The following OPHN1 variants were observed in gnomAD, a reference collection of about 807,000 sequenced individuals.
The protein encoded by OPHN1 is oligophrenin-1.
A neutral mutation model predicts 60.7 loss-of-function variants in OPHN1; 11 were observed. That is an observed-to-expected ratio of 0.18 (90% confidence interval 0.11 to 0.30). The LOEUF is 0.30. OPHN1 is among the 10% of genes least tolerant of loss of function. The pLI, the probability that OPHN1 is intolerant of heterozygous loss-of-function variation, is 1.00. For missense variants in OPHN1, 449 were observed against 611.0 expected (o/e 0.73, Z 2.80); for synonymous variants, 226 against 222.6 (o/e 1.02, Z -0.14).
At chrX:68,056,196 A>C (rs2076872495) in intron 21 of OPHN1, among the ~76,000 whole-genome samples, 1 of 111,390 alleles carries the variant, frequency 9.0e-6, no homozygotes, top group Non-Finnish European at 1.9e-5. Flanking sequence ...AGCAGAGGTA[A>C]GTAAGCGTCA....
chrX:68,269,373 T>C (rs767278637), intron 5 of OPHN1, among the ~76,000 whole-genome samples: 8 of 111,240 alleles, frequency 7.2e-5, no homozygotes, highest in Non-Finnish European at 1.5e-4. Context: ...CAGCATGGTA[T>C]TGGTACCAAA....
intron 2 of OPHN1, among the ~76,000 whole-genome samples, chrX:68,423,143 A>G (rs965970449): frequency 4.5e-5 from 5 of 110,139 alleles, no homozygotes; most frequent in Non-Finnish European, 5.7e-5. Context: ...CTCCTGCCTC[A>G]GCCTCCTGAG....
chrX:68,089,519 C>T lies in OPHN1; in HGVS notation c.1686+7351G>A, dbSNP rs185287402. On this transcript the variant is annotated intron_variant, in intron 19 of 24. Coordinates refer to ENST00000355520, the MANE Select transcript of OPHN1 (RefSeq NM_002547.3). ...GAGAAATCGAGGAGATGCTTTGTGT[C>T]AAATGTATAGCACCATGTCTGACAC... Among the ~76,000 whole-genome samples the T allele has an allele frequency of 2.7e-4, 30 of 111,514 alleles. No individual in the cohort carries two copies. The East Asian group carries it at 6.8e-3, about 25-fold the overall frequency.
intron 2 of OPHN1, among the ~76,000 whole-genome samples, chrX:68,418,312 T>C (rs771811172): frequency 3.6e-5 from 4 of 111,242 alleles, no homozygotes; most frequent in African/African-American, 1.3e-4. Context: ...GAGGGCTTCC[T>C]CAGGTCCTAG....
chrX:68,244,446 G>C (rs181279654), intron 5 of OPHN1, among the ~76,000 whole-genome samples: 43 of 112,249 alleles, frequency 3.8e-4, no homozygotes, highest in Non-Finnish European at 4.9e-4. Flanking sequence ...TAAAATGTAA[G>C]GTCTACATAA....
chrX:68,097,158 A>T, intron 18 of OPHN1, 129 bp from the exon 19 acceptor site: 1 of 540,546 alleles, frequency 1.8e-6, no homozygotes, highest in South Asian at 3.5e-5. Context: ...TAAAGTATGT[A>T]TTGGAAGGCA....
chrX:68,097,321 G>A (rs2077041760), intron 18 of OPHN1, among the ~76,000 whole-genome samples: 1 of 111,194 alleles, frequency 9.0e-6, no homozygotes, highest in South Asian at 3.8e-4. Flanking sequence ...GATACTATTT[G>A]GAGAGGCAGG....
intron 15 of OPHN1, among the ~76,000 whole-genome samples, chrX:68,131,484 G>A (rs997872345): frequency 1.8e-5 from 2 of 111,219 alleles, no homozygotes; most frequent in East Asian, 2.8e-4. Context: ...CCAAAGTGCC[G>A]GGATTACAGG....
chrX:68,090,292 A>G (rs1394172626), intron 19 of OPHN1, among the ~76,000 whole-genome samples: 1 of 107,564 alleles, frequency 9.3e-6, no homozygotes, highest in Non-Finnish European at 1.9e-5. Flanking sequence ...GTAGATATAG[A>G]GATACATTCT....
chrX:68,138,711 G>T (rs2077230895), intron 15 of OPHN1, among the ~76,000 whole-genome samples: 1 of 112,098 alleles, frequency 8.9e-6, no homozygotes, highest in South Asian at 3.7e-4. Context: ...CATTGGATTT[G>T]GTTATTCCTC....
chrX:68,357,535 G>A (rs777282147), intron 2 of OPHN1, among the ~76,000 whole-genome samples: 1 of 110,117 alleles, frequency 9.1e-6, no homozygotes, highest in East Asian at 2.9e-4. Context: ...AGTTTGCTGA[G>A]AATGATGGTT....
At chrX:68,386,800 C>A (rs755770442) in intron 2 of OPHN1, among the ~76,000 whole-genome samples, 7 of 112,540 alleles carry the variant, frequency 6.2e-5, no homozygotes, top group South Asian at 3.7e-4. Flanking sequence ...CAGCTGACTT[C>A]TCTTAGCCAA....
chrX:68,071,380 C>T (rs1309797284), intron 20 of OPHN1: 1 of 714,143 alleles, frequency 1.4e-6, no homozygotes, highest in Non-Finnish European at 2.3e-6. Context: ...TTTTCCCTTC[C>T]CTTCTTCTTC....
intron 15 of OPHN1, among the ~76,000 whole-genome samples, chrX:68,127,431 A>G (rs2077176415): frequency 8.9e-6 from 1 of 111,816 alleles, no homozygotes; most frequent in South Asian, 3.8e-4. Flanking sequence ...ATAAAGATCT[A>G]CTGTGATGTG....
chrX:68,157,629 T>C (rs1338308592), intron 15 of OPHN1, among the ~76,000 whole-genome samples: 1 of 111,550 alleles, frequency 9.0e-6, no homozygotes, highest in Non-Finnish European at 1.9e-5. Flanking sequence ...ACAGATACTA[T>C]GCTCACTACC....
intron 19 of OPHN1, among the ~76,000 whole-genome samples, chrX:68,083,991 T>C (rs1374099914): frequency 9.0e-6 from 1 of 110,611 alleles, no homozygotes; most frequent in Non-Finnish European, 1.9e-5. Context: ...CCACAACAGA[T>C]GTAAGAAAGA....
At chrX:68,203,405 G>A (rs1481011897) in intron 10 of OPHN1, among the ~76,000 whole-genome samples, 1 of 111,535 alleles carries the variant, frequency 9.0e-6, no homozygotes, top group Non-Finnish European at 1.9e-5. Flanking sequence ...GGCCCACGTG[G>A]CTCATTACCC....
At chrX:68,182,177 G>A (rs1367073733) in intron 15 of OPHN1, among the ~76,000 whole-genome samples, 3 of 94,155 alleles carry the variant, frequency 3.2e-5, no homozygotes, top group Non-Finnish European at 4.1e-5. Context: ...GACTGACATA[G>A]AAGCTCTGTA....
At chrX:68,215,458 A>T (rs1177408730) in intron 6 of OPHN1, among the ~76,000 whole-genome samples, 1 of 111,805 alleles carries the variant, frequency 8.9e-6, no homozygotes, top group Non-Finnish European at 1.9e-5. Context: ...ACAGGTATCA[A>T]ACCCACATCC....
Sources: gnomAD v4.1 joint callset for allele counts (sites outside exome capture counted in the v4.1 genomes callset) on GRCh38, gnomAD v4.1.1 for gene constraint, MANE v1.5 for transcripts, NCBI Gene and HGNC (gene_info 2026-07-23, HGNC 2026-07-21) for gene names.